The following MAP2 variants were observed in gnomAD, a reference collection of about 807,000 sequenced individuals.
The protein encoded by MAP2 is microtubule-associated protein 2.
Under a neutral mutation model 137.6 loss-of-function variants are expected in MAP2, and 14 were observed. The observed-to-expected ratio is 0.10, with a 90% CI of 0.07 to 0.16. The LOEUF (loss-of-function observed/expected upper bound fraction) is 0.16, where lower values mean the gene tolerates loss of function less well. MAP2 is among the 10% of genes least tolerant of loss of function. The pLI, the probability that MAP2 is intolerant of heterozygous loss-of-function variation, is 1.00. For synonymous variants in MAP2, 786 were observed against 782.3 expected (o/e 1.00, Z -0.08); for missense variants, 2,088 against 2,191.5 (o/e 0.95, Z 0.94).
intron 2 of MAP2, among the ~76,000 whole-genome samples, chr2:209,520,400 A>AT (rs1267774527): frequency 3.3e-5 from 5 of 152,014 alleles, no homozygotes; most frequent in African/African-American, 9.7e-5. Context: ...TAAAATGCAT[A>AT]TTTTTTTGTG....
chr2:209,660,558 A>G (rs541668358), intron 5 of MAP2, among the ~76,000 whole-genome samples: 85 of 144,140 alleles, frequency 5.9e-4, no homozygotes, highest in Admixed American at 1.9e-3. Context: ...AAGCCCGGCT[A>G]ATTTTTTTTG....
chr2:209,559,696 C>A (rs1316372049), intron 2 of MAP2, among the ~76,000 whole-genome samples: 1 of 151,858 alleles, frequency 6.6e-6, no homozygotes, highest in Non-Finnish European at 1.5e-5. Flanking sequence ...GGAGCCCCAC[C>A]AAGACAGTAG....
chr2:209,552,115 A>T (rs745450092), intron 2 of MAP2, among the ~76,000 whole-genome samples: 3 of 152,262 alleles, frequency 2.0e-5, no homozygotes, highest in Non-Finnish European at 4.4e-5. Flanking sequence ...GTGTTTATTG[A>T]CAGCAAATAT....
chr2:209,615,405 C>T (rs180695854), intron 3 of MAP2, among the ~76,000 whole-genome samples: 20 of 152,240 alleles, frequency 1.3e-4, no homozygotes, highest in South Asian at 6.2e-4. Flanking sequence ...AGAGTTGAAG[C>T]CAAGAAACCA....
At chr2:209,660,674 C>A (rs186105583) in intron 5 of MAP2, among the ~76,000 whole-genome samples, 1 of 147,320 alleles carries the variant, frequency 6.8e-6, no homozygotes, top group Non-Finnish European at 1.5e-5. Context: ...AGATTACAGG[C>A]GTGAGCCACC....
chr2:209,629,528 A>G (rs568467189), intron 4 of MAP2, among the ~76,000 whole-genome samples: 12 of 152,318 alleles, frequency 7.9e-5, no homozygotes, highest in Admixed American at 7.2e-4. Flanking sequence ...TTTGACTTGC[A>G]CTGATTACTA....
intron 4 of MAP2, among the ~76,000 whole-genome samples, chr2:209,642,428 GAAA>G (rs202048552): frequency 8.7e-6 from 1 of 114,972 alleles, no homozygotes. Context: ...CCCTGTCTTT[GAAA>G]AAAAAAAAAA....
chr2:209,504,232 A>G (rs1330078580), intron 1 of MAP2, among the ~76,000 whole-genome samples: 2 of 151,782 alleles, frequency 1.3e-5, no homozygotes, highest in African/African-American at 2.4e-5. Context: ...GAATACATAA[A>G]GAAGTCAGGC....
chr2:209,650,181 T>G (rs1212311825), intron 4 of MAP2, among the ~76,000 whole-genome samples: 1 of 152,186 alleles, frequency 6.6e-6, no homozygotes, highest in Non-Finnish European at 1.5e-5. Flanking sequence ...CTTTTAATAT[T>G]TGGTGGCTAG....
At chr2:209,490,808 T>C (rs1338095454) in intron 1 of MAP2, among the ~76,000 whole-genome samples, 5 of 151,966 alleles carry the variant, frequency 3.3e-5, no homozygotes, top group African/African-American at 1.2e-4. Context: ...AAGCAGGTTC[T>C]TAGAGACCTA....
chr2:209,582,835 G>A (rs190562527), intron 3 of MAP2, among the ~76,000 whole-genome samples: 106 of 151,870 alleles, frequency 7.0e-4, no homozygotes, highest in African/African-American at 2.3e-3. Flanking sequence ...ACAATGTGAC[G>A]GACAGTATCC....
rs1328772564 is a variant in MAP2 at position 209,660,797 on chromosome 2, G to C, written c.262+7365G>C. Among the ~76,000 whole-genome samples, 13 of 147,100 alleles carry C rather than the reference G, an allele frequency of 8.8e-5. 1 individual carries two copies. The Middle Eastern group carries it at 0.018, about 199-fold the overall frequency. On this transcript the variant is annotated intron_variant, in intron 5 of 15. Transcript: ENST00000682079. ...CGCCCAGGCTGGAGTGCAGTGGCGC[G>C]ATCTCGGCTCACTGCAAGCTCCGCC... is the stretch of plus-strand genomic sequence containing the variant.
chr2:209,473,342 A>G (rs1223507514), intron 1 of MAP2, among the ~76,000 whole-genome samples: 1 of 152,202 alleles, frequency 6.6e-6, no homozygotes, highest in Non-Finnish European at 1.5e-5. Context: ...ACTGATGAGT[A>G]GAAATGTTGC....
At chr2:209,728,417 A>G (rs1003859737) in intron 14 of MAP2, among the ~76,000 whole-genome samples, 3 of 152,224 alleles carry the variant, frequency 2.0e-5, no homozygotes, top group African/African-American at 7.2e-5. Flanking sequence ...AAAATGAGGC[A>G]TATTTTCAGG....
intron 2 of MAP2, among the ~76,000 whole-genome samples, chr2:209,571,574 C>CAA (rs936242484): frequency 2.0e-5 from 3 of 151,964 alleles, no homozygotes; most frequent in Non-Finnish European, 4.4e-5. Flanking sequence ...GTTTTCCTTT[C>CAA]AACCTCTTGA....
At chr2:209,456,705 A>G (rs761924460) in intron 1 of MAP2, among the ~76,000 whole-genome samples, 68 of 152,218 alleles carry the variant, frequency 4.5e-4, no homozygotes, top group Non-Finnish European at 9.1e-4. Flanking sequence ...CTGTGATCAC[A>G]TGTTAACAAG....
At chr2:209,425,827 C>T (rs1692413325) in intron 1 of MAP2, among the ~76,000 whole-genome samples, 1 of 152,112 alleles carries the variant, frequency 6.6e-6, no homozygotes, top group Admixed American at 6.5e-5. Context: ...CTTTAGAATG[C>T]TTTTAATTTT....
chr2:209,566,171 A>G (rs768544849), intron 2 of MAP2, among the ~76,000 whole-genome samples: 2 of 152,174 alleles, frequency 1.3e-5, no homozygotes, highest in Non-Finnish European at 2.9e-5. Context: ...AACTGCATTG[A>G]TTTGCATATC....
intron 5 of MAP2, among the ~76,000 whole-genome samples, chr2:209,670,974 T>C (rs1335754744): frequency 1.3e-5 from 2 of 151,968 alleles, no homozygotes; most frequent in African/African-American, 4.8e-5. Context: ...AAATAAATTC[T>C]CTTAAATTTA....
Sources: gnomAD v4.1 joint callset for allele counts (sites outside exome capture counted in the v4.1 genomes callset) on GRCh38, gnomAD v4.1.1 for gene constraint, MANE v1.5 for transcripts, NCBI Gene and HGNC (gene_info 2026-07-23, HGNC 2026-07-21) for gene names.